The following GNAL variants were observed in gnomAD, a reference collection of about 807,000 sequenced individuals.
GNAL encodes the protein G protein subunit alpha L.
Under a neutral mutation model 55.1 loss-of-function variants are expected in GNAL, and 18 were observed. The ratio of observed to expected loss-of-function variants is 0.33; its 90% CI spans 0.23 to 0.48. The LOEUF (loss-of-function observed/expected upper bound fraction) is 0.48, where lower values mean the gene tolerates loss of function less well. Ranked by LOEUF, GNAL falls within the 20% of genes least tolerant of loss-of-function variation. The probability of loss-of-function intolerance (pLI) is 0.99; values close to 1 mark genes in which losing one functional copy is unlikely to be tolerated. For synonymous variants in GNAL, 253 were observed against 237.0 expected (o/e 1.07, Z -0.62); for missense variants, 412 against 614.1 (o/e 0.67, Z 3.48).
At chr18:11,799,860 C>T (rs1322827818) in intron 4 of GNAL, among the ~76,000 whole-genome samples, 1 of 152,008 alleles carries the variant, frequency 6.6e-6, no homozygotes, top group Non-Finnish European at 1.5e-5. Context: ...CAAGTGTGCA[C>T]CTGTCTGTCT....
At position 11,882,066 on chromosome 18, in the gene GNAL, A is replaced by G. The variant is rs1471028589; in HGVS notation, c.*931A>G. 1 of 152,264 alleles carries G rather than the reference A, an allele frequency of 6.6e-6. No individual in the cohort carries two copies. The highest frequency in any genetic ancestry group is 2.4e-5 in the African/African-American group (1 of 41,458). 9.4% of individuals were successfully genotyped at this position (152,264 alleles called of 1,614,324 possible). ...ATATTTTATCAGGTTGGCACTTTATAAAATACTCCCTGATTTAAAAAATTG... is the reference window on the plus strand; with the variant it reads ...ATATTTTATCAGGTTGGCACTTTATGAAATACTCCCTGATTTAAAAAATTG... On this transcript the variant is annotated 3_prime_UTR_variant, in exon 12 of 12. Transcript: ENST00000334049.
Position 11,742,575 on chromosome 18 carries a change from G to A in GNAL, c.377-10278G>A, listed in dbSNP as rs143244473. On this transcript the variant is annotated intron_variant, in intron 1 of 11. Transcript: ENST00000334049. ...AGAAAAGTTTCCGTGCCAAGAACAC[G>A]CATTCTGGGGCTCATATGCTCACCC... 2.0e-3 allele frequency among the ~76,000 whole-genome samples: 305 copies of A among 152,346 alleles called. 3 individuals carry two copies. Among genetic ancestry groups the A allele is most frequent in the African/African-American group, 7.1e-3 (297 of 41,584 alleles).
At chr18:11,847,399 T>A (rs1168898188) in intron 5 of GNAL, among the ~76,000 whole-genome samples, 2 of 117,640 alleles carry the variant, frequency 1.7e-5, no homozygotes, top group African/African-American at 3.4e-5. Flanking sequence ...TTTTATTTTC[T>A]TTTTTTTTTT....
At chr18:11,803,262 G>A (rs923644513) in intron 4 of GNAL, among the ~76,000 whole-genome samples, 9 of 152,130 alleles carry the variant, frequency 5.9e-5, no homozygotes, top group Admixed American at 3.3e-4. Context: ...CCCTGGCAAC[G>A]ATGCTTCTAC....
intron 5 of GNAL, chr18:11,852,013 C>T: frequency 1.9e-6 from 3 of 1,613,788 alleles, no homozygotes; most frequent in Non-Finnish European, 1.7e-6. Context: ...CAACATGGAG[C>T]TGCCGCAGGG....
At chr18:11,729,623 G>C (rs2032289905) in intron 1 of GNAL, among the ~76,000 whole-genome samples, 1 of 152,158 alleles carries the variant, frequency 6.6e-6, no homozygotes, top group African/African-American at 2.4e-5. Flanking sequence ...TGCATTAGCA[G>C]ATTATATATT....
intron 5 of GNAL, chr18:11,854,467 T>C (rs1247801939): frequency 6.0e-6 from 1 of 167,078 alleles, no homozygotes; most frequent in Non-Finnish European, 1.5e-5. Flanking sequence ...TGAGTGTGCA[T>C]CCTGTTTTAA....
chr18:11,766,113 G>T (rs1012352916), intron 4 of GNAL, among the ~76,000 whole-genome samples: 2 of 152,206 alleles, frequency 1.3e-5, no homozygotes, highest in African/African-American at 2.4e-5. Flanking sequence ...AGACTTAAAT[G>T]AGTCAACACG....
intron 1 of GNAL, among the ~76,000 whole-genome samples, chr18:11,713,746 C>G (rs2031890217): frequency 6.6e-6 from 1 of 152,228 alleles, no homozygotes; most frequent in African/African-American, 2.4e-5. Flanking sequence ...GACTTGATTT[C>G]TGGCTCTGCT....
intron 1 of GNAL, among the ~76,000 whole-genome samples, chr18:11,750,938 G>C (rs571964926): frequency 1.3e-5 from 2 of 152,078 alleles, no homozygotes; most frequent in Non-Finnish European, 2.9e-5. Flanking sequence ...GGTGAGGGGC[G>C]AAGGTCCACA....
At position 11,770,833 on chromosome 18, in the gene GNAL, A is replaced by G. The variant is rs1410745784; in HGVS notation, c.624+16888A>G. Among the ~76,000 whole-genome samples the G allele has an allele frequency of 1.6e-4, 24 of 152,194 alleles. 1 individual carries two copies. Among genetic ancestry groups the G allele is most frequent in the Admixed American group, 1.6e-3 (24 of 15,268 alleles). Reference sequence around the variant, plus strand: ...TTTTAAATTTAAGTTTTTTAAAAATAGTTCTTAAGGTGTTATATGTTTACT... The same window carrying G: ...TTTTAAATTTAAGTTTTTTAAAAATGGTTCTTAAGGTGTTATATGTTTACT... On this transcript the variant is annotated intron_variant, in intron 4 of 11. Coordinates refer to ENST00000334049, the MANE Select transcript of GNAL (RefSeq NM_182978.4).
At chr18:11,718,451 T>A (rs1672926762) in intron 1 of GNAL, among the ~76,000 whole-genome samples, 1 of 152,184 alleles carries the variant, frequency 6.6e-6, no homozygotes, top group Admixed American at 6.5e-5. Flanking sequence ...GTTTCAAAGT[T>A]TTGGTAATAT....
In GNAL at chr18:11,864,086, C is replaced by CTTT. The variant is rs3981355; in HGVS notation, c.778-430_778-428dup. 9.2e-3 allele frequency among the ~76,000 whole-genome samples: 1,187 copies of CTTT among 129,012 alleles called. 33 individuals carry two copies. Among genetic ancestry groups the CTTT allele is most frequent in the African/African-American group, 0.034 (1,132 of 33,352 alleles). The allele number at this position is 129,012 out of a possible 152,430, so 84.6% of individuals were successfully genotyped here. On this transcript the variant is annotated intron_variant, in intron 6 of 11. Transcript: ENST00000334049. ...AAAACAGAGAACATTCGTCTGAGTT[C>CTTT]TTTTTTTTTTTTTTTTTTTGAGACG...
chr18:11,875,897 G>C (rs1003739978), intron 10 of GNAL, among the ~76,000 whole-genome samples: 1 of 152,148 alleles, frequency 6.6e-6, no homozygotes, highest in Non-Finnish European at 1.5e-5. Flanking sequence ...GTCTGGTAAG[G>C]GTTTCTCTGC....
chr18:11,750,840 G>A (rs538971462), intron 1 of GNAL, among the ~76,000 whole-genome samples: 2 of 152,254 alleles, frequency 1.3e-5, no homozygotes, highest in South Asian at 4.1e-4. Context: ...GTTCAGGTGG[G>A]ACAGAGTTGA....
Position 11,792,244 on chromosome 18 carries a change from C to A in GNAL, c.625-32674C>A, listed in dbSNP as rs557873556. 2.5e-4 allele frequency among the ~76,000 whole-genome samples: 38 copies of A among 152,144 alleles called. 1 individual carries two copies. In the South Asian group the frequency reaches 7.7e-3, roughly 31 times the overall value. On this transcript the variant is annotated intron_variant, in intron 4 of 11. Coordinates refer to ENST00000334049, the MANE Select transcript of GNAL (RefSeq NM_182978.4). ...TGTTTCCCAGGCTGGAGTGCAGTGGCGTGCAATCTCAGCTTACTGCAACTT... is the reference window on the plus strand; with the variant it reads ...TGTTTCCCAGGCTGGAGTGCAGTGGAGTGCAATCTCAGCTTACTGCAACTT...
intron 5 of GNAL, among the ~76,000 whole-genome samples, chr18:11,849,327 C>T (rs1179043805): frequency 6.6e-6 from 1 of 152,100 alleles, no homozygotes; most frequent in Non-Finnish European, 1.5e-5. Context: ...CATGGCGAAA[C>T]CCCAGCTGTA....
At position 11,790,899 on chromosome 18, in the gene GNAL, C is replaced by T. The variant is rs553157669; in HGVS notation, c.625-34019C>T. 9.2e-5 allele frequency among the ~76,000 whole-genome samples: 14 copies of T among 152,136 alleles called. No homozygotes were observed. The East Asian group carries it at 1.2e-3, about 13-fold the overall frequency. On this transcript the variant is annotated intron_variant, in intron 4 of 11. Transcript: ENST00000334049. ...GTCTTGATCTCCTGACCTCGTAATC[C>T]GCCTGCCTCAGCTTCCCTAAGTTCT...
intron 4 of GNAL, among the ~76,000 whole-genome samples, chr18:11,769,610 C>T (rs572643885): frequency 6.6e-6 from 1 of 152,316 alleles, no homozygotes; most frequent in African/African-American, 2.4e-5. Flanking sequence ...GTTTATTACA[C>T]ATGCACGTAA....
Sources: allele counts gnomAD v4.1 joint callset (sites outside exome capture counted in the v4.1 genomes callset), GRCh38; gene constraint gnomAD v4.1.1; transcripts MANE v1.5; gene names NCBI Gene and HGNC (gene_info 2026-07-23, HGNC 2026-07-21).